ERFE: variants seen among roughly 807,000 people sequenced by gnomAD.
The protein encoded by ERFE is erythroferrone.
ERFE carries 25 observed loss-of-function variants against 26.6 expected under a neutral mutation model. That is an observed-to-expected ratio of 0.94 (90% CI 0.69 to 1.31). ERFE has a LOEUF of 1.31. ERFE is among the 40% of genes most tolerant of loss of function. The pLI is 0.00. For missense variants in ERFE, 447 were observed against 440.2 expected, an observed-to-expected ratio of 1.02 and a Z score of -0.14; for synonymous variants, 206 against 204.5, an observed-to-expected ratio of 1.01 and a Z score of -0.06.
At position 238,168,428 on chromosome 2, in the gene ERFE, C is replaced by T. The variant is rs980181199; in HGVS notation, c.*1374C>T. The T allele has an allele frequency of 8.5e-6, 4 of 471,014 alleles. No homozygotes were observed. Among genetic ancestry groups the T allele is most frequent in the Admixed American group, 4.7e-5 (2 of 42,568 alleles). The allele number at this position is 471,014 out of a possible 1,614,324, so 29.2% of individuals were successfully genotyped here. On this transcript the variant is annotated 3_prime_UTR_variant, in exon 8 of 8. Transcript: ENST00000546354. ...GGGAGCCAAGCTGGTCTGGCAAGGG[C>T]GCTCAGGCCTGGGAGAGAAGGGAGC...
chr2:238,161,160 G>A (rs1449243195), intron 1 of ERFE, among the ~76,000 whole-genome samples: 2 of 152,214 alleles, frequency 1.3e-5, no homozygotes, highest in Non-Finnish European at 2.9e-5. Context: ...TAGTAGTTGG[G>A]CTCCCTGATA....
intron 7 of ERFE, among the ~76,000 whole-genome samples, chr2:238,166,304 A>G (rs531615741): frequency 5.0e-4 from 76 of 152,346 alleles, no homozygotes; most frequent in African/African-American, 1.8e-3. Context: ...CCAAGTTCAC[A>G]CAGCAGAGCC....
In ERFE at chr2:238,163,224, C is replaced by T. The variant is rs568122102; in HGVS notation, c.424+386C>T. On this transcript the variant is annotated intron_variant, in intron 3 of 7. Transcript: ENST00000546354. Reference sequence around the variant, plus strand: ...GCACCAGGTGGAGCTCAGCCTGGCACCCACAGTCACCACTGGCCAGGGCTG... The same window carrying T: ...GCACCAGGTGGAGCTCAGCCTGGCATCCACAGTCACCACTGGCCAGGGCTG... 2.0e-5 allele frequency among the ~76,000 whole-genome samples: 3 copies of T among 152,342 alleles called. No individual in the cohort carries two copies. The South Asian group carries it at 6.2e-4, about 32-fold the overall frequency.
At chr2:238,163,698 G>A (rs1692976146) in intron 3 of ERFE, 39 bp from the exon 4 acceptor site, 3 of 1,273,276 alleles carry the variant, frequency 2.4e-6, no homozygotes, top group South Asian at 2.7e-5. Context: ...GGGCGGGTGA[G>A]GGGTCCCTGG....
chr2:238,166,373 G>T (rs1693035702), intron 7 of ERFE, among the ~76,000 whole-genome samples: 1 of 152,196 alleles, frequency 6.6e-6, no homozygotes, highest in South Asian at 2.1e-4. Context: ...GCATTTAGAG[G>T]TCCCTTCTGG....
chr2:238,162,675 G>C, intron 2 of ERFE, 61 bp from the exon 3 acceptor site: 1 of 1,087,766 alleles, frequency 9.2e-7, no homozygotes, highest in South Asian at 1.3e-5. Flanking sequence ...AGCTTGCACA[G>C]GGGATGCTGT....
chr2:238,166,811 C>A, intron 7 of ERFE, 145 bp from the exon 8 acceptor site: 2 of 680,756 alleles, frequency 2.9e-6, no homozygotes, highest in Non-Finnish European at 5.0e-6. Context: ...TGCTCTGTGA[C>A]CTTGGCGGCC....
chr2:238,161,688 G>T lies in ERFE; in HGVS notation c.293G>T (p.Arg98Met). Residue 98 changes from arginine to methionine, a missense_variant, in exon 2 of 8, where the codon AGG becomes ATG. By Grantham distance (91) the Arg-to-Met change is moderately conservative. Coordinates refer to ENST00000546354, the MANE Select transcript of ERFE (RefSeq NM_001291832.2). Reference sequence around the variant, plus strand: ...GACAAGGGTGTCAATGGCAAGAAGAGGAGCAGGGGCAAGGCCAAGAAGCTG... The same window carrying T: ...GACAAGGGTGTCAATGGCAAGAAGATGAGCAGGGGCAAGGCCAAGAAGCTG... The part of the protein sequence containing the change: ...QSDKGVNGKK[R>M]SRGKAKKLKF... 1 of 1,547,652 alleles carries T rather than the reference G, an allele frequency of 6.5e-7. No homozygotes were observed.
rs990505376 is a variant in ERFE, at chr2:238,164,096, C to T, written c.709C>T (p.Arg237Cys). The T allele has an allele frequency of 2.8e-6, 4 of 1,431,902 alleles. No homozygotes were observed. The highest frequency in any genetic ancestry group is 1.5e-5 in the African/African-American group (1 of 66,990). The allele number at this position is 1,431,902 out of a possible 1,614,324, so 88.7% of individuals were successfully genotyped here. A position where few individuals can be genotyped will look rare whatever the true frequency, so the allele number is the denominator to read the frequency against. ...YYLPDAEGAF[R>C]RGPGLNLTSG... ...GCAGCCCGACGCCGAGGGTGCCTTC[C>T]GCCGCGGCCCGGGCCTGAACTTGAC... Residue 237 changes from arginine (R) to cysteine (C), a missense_variant, in exon 5 of 8, where the codon CGC becomes TGC. Transcript: ENST00000546354.
chr2:238,160,168 C>T (rs1275920026), intron 1 of ERFE, among the ~76,000 whole-genome samples: 1 of 152,158 alleles, frequency 6.6e-6, no homozygotes, highest in South Asian at 2.1e-4. Flanking sequence ...GGCCTTGGAC[C>T]CTGTTTGTGG....
chr2:238,165,188 C>T (rs967636239), intron 6 of ERFE, among the ~76,000 whole-genome samples: 3 of 152,248 alleles, frequency 2.0e-5, no homozygotes, highest in African/African-American at 4.8e-5. Flanking sequence ...CCAGGTACAG[C>T]GGAGATACCC....
intron 6 of ERFE, 67 bp from the exon 7 acceptor site, chr2:238,165,539 G>A (rs1693020383): frequency 1.5e-6 from 2 of 1,338,558 alleles, no homozygotes; most frequent in African/African-American, 2.9e-5. Flanking sequence ...TGGCAGGATT[G>A]TGTGTCGTAG....
Position 238,163,772 on chromosome 2 carries a change from C to A in ERFE, c.460C>A (p.Pro154Thr). 1 of 1,367,302 alleles carries A rather than the reference C, an allele frequency of 7.3e-7. No individual in the cohort carries two copies. The highest frequency in any genetic ancestry group is 9.4e-7 in the Non-Finnish European group (1 of 1,064,742). 84.7% of individuals were successfully genotyped at this position (1,367,302 alleles called of 1,614,324 possible). Residue 154 changes from proline (P) to threonine (T), a missense_variant, in exon 4 of 8, where the codon CCC becomes ACC. Transcript: ENST00000546354. ...VRQRERAEPEPCTCGPAGPVA... is the reference protein window; with the variant it reads ...VRQRERAEPETCTCGPAGPVA... ...GCAGCGGGAGCGCGCGGAGCCCGAA[C>A]CCTGTACGTGTGGCCCCGCCGGGCC...
chr2:238,166,012 C>T (rs1693030014), intron 7 of ERFE, among the ~76,000 whole-genome samples: 1 of 152,216 alleles, frequency 6.6e-6, no homozygotes, highest in Admixed American at 6.5e-5. Context: ...ACCACAAGCC[C>T]GCTGAAGGGA....
chr2:238,167,162 G>A lies in ERFE; in HGVS notation c.*108G>A, dbSNP rs1046937899. On this transcript the variant is annotated 3_prime_UTR_variant, in exon 8 of 8. Coordinates refer to ENST00000546354, the MANE Select transcript of ERFE (RefSeq NM_001291832.2). ...CCACATGGAGGAGGAGGCCCACCCG[G>A]AACTCTGCCCACACTGGCCACTGCA... The A allele has an allele frequency of 3.3e-6, 4 of 1,194,668 alleles. No homozygotes were observed. In the East Asian group the frequency reaches 7.6e-5, roughly 23 times the overall value. The allele number at this position is 1,194,668 out of a possible 1,614,324, so 74.0% of individuals were successfully genotyped here. A position where few individuals can be genotyped will look rare whatever the true frequency, so the allele number is the denominator to read the frequency against.
rs1417925741 is a variant in ERFE, at chr2:238,168,631, G to A, written c.*1577G>A. 10 of 369,960 alleles carry A rather than the reference G, an allele frequency of 2.7e-5. No homozygotes were observed. Among genetic ancestry groups the A allele is most frequent in the Admixed American group, 2.1e-4 (6 of 28,428 alleles). 22.9% of individuals were successfully genotyped at this position (369,960 alleles called of 1,614,324 possible). A position where few individuals can be genotyped will look rare whatever the true frequency, so the allele number is the denominator to read the frequency against. On this transcript the variant is annotated 3_prime_UTR_variant, in exon 8 of 8. Transcript: ENST00000546354. Reference sequence around the variant, plus strand: ...CTCTGCCCTGGGAAAGGCCTGGTGCGATTCTCAGTAGGACTCACACCCACC... The same window carrying A: ...CTCTGCCCTGGGAAAGGCCTGGTGCAATTCTCAGTAGGACTCACACCCACC...
Position 238,162,935 on chromosome 2 carries a change from G to C in ERFE, c.424+97G>C, listed in dbSNP as rs1196742438. On this transcript the variant is annotated intron_variant, in intron 3 of 7. Transcript: ENST00000546354. ...TGACAGGGCCAACCTCAACACTTCGGCGGGCACCCAAGGAGGCACCTGCTC... is the reference window on the plus strand; with the variant it reads ...TGACAGGGCCAACCTCAACACTTCGCCGGGCACCCAAGGAGGCACCTGCTC... 7 of 958,638 alleles carry C rather than the reference G, an allele frequency of 7.3e-6. No individual in the cohort carries two copies. The African/African-American group carries it at 1.2e-4, about 16-fold the overall frequency. The allele number at this position is 958,638 out of a possible 1,614,324, so 59.4% of individuals were successfully genotyped here.
Position 238,162,778 on chromosome 2 carries a change from C to A in ERFE, c.364C>A (p.Pro122Thr). ...GPPGPPGPQG[P>T]PGPIIPPEAL... Reference sequence around the variant, plus strand: ...CCCTGGGCCTCCCGGTCCCCAGGGCCCCCCAGGCCCCATCATCCCACCCGA... The same window carrying A: ...CCCTGGGCCTCCCGGTCCCCAGGGCACCCCAGGCCCCATCATCCCACCCGA... The change falls in exon 3 of 8, where the codon CCC becomes ACC. Residue 122 changes from proline (P) to threonine (T), a missense_variant. Transcript: ENST00000546354. 1 of 1,550,270 alleles carries A rather than the reference C, an allele frequency of 6.5e-7. No homozygotes were observed. The highest frequency in any genetic ancestry group is 8.7e-7 in the Non-Finnish European group (1 of 1,146,772).
chr2:238,160,430 C>T (rs1199049462), intron 1 of ERFE, among the ~76,000 whole-genome samples: 2 of 152,162 alleles, frequency 1.3e-5, no homozygotes, highest in African/African-American at 4.8e-5. Context: ...ATCCTCGCCC[C>T]ATGTTTCCAC....
Sources: allele counts gnomAD v4.1 joint callset (sites outside exome capture counted in the v4.1 genomes callset), GRCh38; gene constraint gnomAD v4.1.1; transcripts MANE v1.5; gene names NCBI Gene and HGNC (gene_info 2026-07-23, HGNC 2026-07-21).